Variants in SLC2A1 observed in about 807,000 individuals in gnomAD.
SLC2A1 encodes the protein solute carrier family 2, facilitated glucose transporter member 1.
SLC2A1 carries 4 observed loss-of-function variants against 46.6 expected under a neutral mutation model. The ratio of observed to expected loss-of-function variants is 0.09; its 90% CI spans 0.04 to 0.20. The LOEUF (loss-of-function observed/expected upper bound fraction) is 0.20, where lower values mean the gene tolerates loss of function less well. Ranked by LOEUF, SLC2A1 falls within the 10% of genes least tolerant of loss-of-function variation. SLC2A1 has a pLI of 1.00. For synonymous variants in SLC2A1, 253 were observed against 270.0 expected (o/e 0.94, Z 0.62); for missense variants, 352 against 667.0 (o/e 0.53, Z 5.20).
At position 42,930,834 on chromosome 1, in the gene SLC2A1, G is replaced by T. The variant is rs1175342430; in HGVS notation, c.308C>A (p.Ala103Asp). The T allele has an allele frequency of 1.2e-6, 2 of 1,600,678 alleles. No homozygotes were observed. The highest frequency in any genetic ancestry group is 1.7e-6 in the Non-Finnish European group (2 of 1,179,950). ...RNSMLMMNLL[A>D]FVSAVLMGFS... ...GCCCATGAGCACGGCGGACACGAAGGCCAGCAGGTTCATCATCAGCATTGA... is the reference window on the plus strand; with the variant it reads ...GCCCATGAGCACGGCGGACACGAAGTCCAGCAGGTTCATCATCAGCATTGA... Residue 103 changes from alanine (A) to aspartate (D), a missense_variant, in exon 4 of 10, where the codon GCC (alanine) becomes GAC (aspartate). This residue lies in a region of SLC2A1 where 97 missense variants were observed against 175.6 expected (regional missense o/e 0.55). Transcript: ENST00000426263. This position sits in a 1 kb window ranked among gnomAD's most constrained non-coding sequence, Gnocchi z 6.2.
intron 1 of SLC2A1, among the ~76,000 whole-genome samples, chr1:42,950,322 G>C (rs1643706165): frequency 1.3e-5 from 2 of 152,196 alleles, no homozygotes; most frequent in African/African-American, 4.8e-5. Context: ...GCTCTATCTG[G>C]CCCTTTAGAA....
At chr1:42,932,853 A>C (rs1376419057) in intron 2 of SLC2A1, among the ~76,000 whole-genome samples, 1 of 152,162 alleles carries the variant, frequency 6.6e-6, no homozygotes, top group Non-Finnish European at 1.5e-5. Flanking sequence ...ACCTGTCCCA[A>C]GTCAGCAGGC....
In SLC2A1 at chr1:42,929,113, G is replaced by T; in HGVS notation, c.973-80C>A. On this transcript the variant is annotated intron_variant, in intron 7 of 9. Coordinates refer to ENST00000426263, the MANE Select transcript of SLC2A1 (RefSeq NM_006516.4). This position sits in a 1 kb window ranked among gnomAD's most constrained non-coding sequence, Gnocchi z 6.0. ...CCCACCCAGAGGCCTTGCCTCAAGA[G>T]CTGAGAAAGTCACAGGGCACTGCAA... 1 of 1,563,574 alleles carries T rather than the reference G, an allele frequency of 6.4e-7. No homozygotes were observed. Among genetic ancestry groups the T allele is most frequent in the Non-Finnish European group, 8.8e-7 (1 of 1,134,858 alleles).
At chr1:42,958,187 C>T (rs1385830735) in intron 1 of SLC2A1, among the ~76,000 whole-genome samples, 1 of 151,792 alleles carries the variant, frequency 6.6e-6, no homozygotes, top group Non-Finnish European at 1.5e-5. Flanking sequence ...CTCCGCGCGC[C>T]GGGGCCGGGG....
In SLC2A1 at chr1:42,925,805, C is replaced by T. The variant is rs1374220179; in HGVS notation, c.*1236G>A. 1 of 152,174 alleles carries T rather than the reference C, an allele frequency of 6.6e-6. No individual in the cohort carries two copies. The highest frequency in any genetic ancestry group is 2.4e-5 in the African/African-American group (1 of 41,440). The allele number at this position is 152,174 out of a possible 1,614,324, so 9.4% of individuals were successfully genotyped here. A position where few individuals can be genotyped will look rare whatever the true frequency, so the allele number is the denominator to read the frequency against. Reference sequence around the variant, plus strand: ...AGCTTATTCACTGTGCGACTTCAGGCACATAACCTCTTTGAGCCTGTCCAA... The same window carrying T: ...AGCTTATTCACTGTGCGACTTCAGGTACATAACCTCTTTGAGCCTGTCCAA... On this transcript the variant is annotated 3_prime_UTR_variant, in exon 10 of 10. Transcript: ENST00000426263.
intron 1 of SLC2A1, among the ~76,000 whole-genome samples, chr1:42,947,075 C>T (rs985940134): frequency 6.6e-6 from 1 of 152,352 alleles, no homozygotes; most frequent in Middle Eastern, 3.4e-3. Context: ...GCAAGCTACC[C>T]TCGATCGGGC....
rs533544273 is a variant in SLC2A1 at position 42,930,293 on chromosome 1, T to C, written c.517-258A>G. The C allele has an allele frequency of 3.2e-6, 2 of 623,476 alleles. No homozygotes were observed. The highest frequency in any genetic ancestry group is 2.9e-6 in the Non-Finnish European group (1 of 348,624). The allele number at this position is 623,476 out of a possible 1,614,324, so 38.6% of individuals were successfully genotyped here. On this transcript the variant is annotated intron_variant, in intron 4 of 9. Transcript: ENST00000426263. The surrounding 1 kb of genome is among the most constrained non-coding windows in gnomAD (Gnocchi z 6.2). ...GTCCAGCACAGAGAATGGGGGCTGC[T>C]ACTCTGCCACAAGAGGGTTTTGGGG...
In SLC2A1 at chr1:42,930,380, G is replaced by C. The variant is rs1048638392; in HGVS notation, c.516+246C>G. On this transcript the variant is annotated intron_variant, in intron 4 of 9. Transcript: ENST00000426263. This position sits in a 1 kb window ranked among gnomAD's most constrained non-coding sequence, Gnocchi z 6.2. ...TGCATAACAGCCTGCGGCATGTTGG[G>C]GGAAGGCGGGCCCTGTGGTTGGAAG... 2.9e-6 allele frequency: 2 copies of C among 691,490 alleles called. No homozygotes were observed. Among genetic ancestry groups the C allele is most frequent in the East Asian group, 5.5e-5 (2 of 36,616 alleles). 42.8% of individuals were successfully genotyped at this position (691,490 alleles called of 1,614,324 possible). A position where few individuals can be genotyped will look rare whatever the true frequency, so the allele number is the denominator to read the frequency against.
Position 42,930,314 on chromosome 1 carries a change from T to C in SLC2A1, c.517-279A>G. ...CTGCTACTCTGCCACAAGAGGGTTT[T>C]GGGGACAGGGAAGGGGAAGCCTCCT... On this transcript the variant is annotated intron_variant, in intron 4 of 9. Coordinates refer to ENST00000426263, the MANE Select transcript of SLC2A1 (RefSeq NM_006516.4). This position sits in a 1 kb window ranked among gnomAD's most constrained non-coding sequence, Gnocchi z 6.2. 1.6e-6 allele frequency: 1 copy of C among 625,366 alleles called. No individual in the cohort carries two copies. Among genetic ancestry groups the C allele is most frequent in the Admixed American group, 2.8e-5 (1 of 35,992 alleles). 38.7% of individuals were successfully genotyped at this position (625,366 alleles called of 1,614,324 possible). A position where few individuals can be genotyped will look rare whatever the true frequency, so the allele number is the denominator to read the frequency against.
intron 1 of SLC2A1, among the ~76,000 whole-genome samples, chr1:42,949,673 TAGCAGC>T (rs200497059): frequency 1.3e-5 from 2 of 152,242 alleles, no homozygotes; most frequent in East Asian, 1.9e-4. Context: ...CTGGTGCATT[TAGCAGC>T]AGCAGCAGCA....
In SLC2A1 at chr1:42,930,038, G is replaced by T. The variant is rs1182879938; in HGVS notation, c.517-3C>A. 1 of 1,613,816 alleles carries T rather than the reference G, an allele frequency of 6.2e-7. No individual in the cohort carries two copies. On this transcript the variant is annotated splice_polypyrimidine_tract_variant and splice_region_variant and intron_variant, in intron 4 of 9. Transcript: ENST00000426263. This position sits in a 1 kb window ranked among gnomAD's most constrained non-coding sequence, Gnocchi z 6.2. ...ATGATGGAGTCCAGGCCGAACACCT[G>T]GGGGAAGCAGGGGCCGTGAGCGCCT...
intron 1 of SLC2A1, among the ~76,000 whole-genome samples, chr1:42,953,268 C>T (rs1216931949): frequency 6.6e-6 from 1 of 152,274 alleles, no homozygotes; most frequent in Admixed American, 6.5e-5. Context: ...TGTCTTCTTT[C>T]TGCCCAGGTT....
intron 1 of SLC2A1, among the ~76,000 whole-genome samples, chr1:42,956,422 A>C (rs896740597): frequency 5.0e-5 from 7 of 140,406 alleles, no homozygotes; most frequent in Non-Finnish European, 7.6e-5. Flanking sequence ...AAAAAAAAAA[A>C]AAAAAAAAAA....
chr1:42,945,624 T>C (rs1324257832), intron 1 of SLC2A1, among the ~76,000 whole-genome samples: 3 of 151,680 alleles, frequency 2.0e-5, no homozygotes, highest in Non-Finnish European at 4.4e-5. Context: ...GGTGCGTGCC[T>C]GTAGTCCCAA....
chr1:42,932,020 C>T (rs1427178695), intron 2 of SLC2A1, among the ~76,000 whole-genome samples: 1 of 152,118 alleles, frequency 6.6e-6, no homozygotes, highest in Non-Finnish European at 1.5e-5. Flanking sequence ...TCCCTGACCG[C>T]ACTGAGGGCC....
At chr1:42,950,322 GC>G (rs1468034171) in intron 1 of SLC2A1, among the ~76,000 whole-genome samples, 5 of 152,196 alleles carry the variant, frequency 3.3e-5, no homozygotes, top group African/African-American at 1.2e-4. Flanking sequence ...GCTCTATCTG[GC>G]CCTTTAGAAA....
chr1:42,928,690 G>A (rs575324136), intron 8 of SLC2A1, among the ~76,000 whole-genome samples: 1 of 152,278 alleles, frequency 6.6e-6, no homozygotes, highest in East Asian at 1.9e-4. Context: ...GGAGGTGAGA[G>A]TTTGGGGTCT....
Position 42,930,439 on chromosome 1 carries a change from A to G in SLC2A1, c.516+187T>C, listed in dbSNP as rs1281454322. 1.2e-6 allele frequency: 1 copy of G among 816,882 alleles called. No homozygotes were observed. Among genetic ancestry groups the G allele is most frequent in the Non-Finnish European group, 2.1e-6 (1 of 478,064 alleles). 50.6% of individuals were successfully genotyped at this position (816,882 alleles called of 1,614,324 possible). On this transcript the variant is annotated intron_variant, in intron 4 of 9. Transcript: ENST00000426263. The surrounding 1 kb of genome is among the most constrained non-coding windows in gnomAD (Gnocchi z 6.2). ...GAGAAGAAAGGGACTGAGAAGAGTCAAGTCATCTTGCTGTCAACTGGGAGG... is the reference window on the plus strand; with the variant it reads ...GAGAAGAAAGGGACTGAGAAGAGTCGAGTCATCTTGCTGTCAACTGGGAGG...
chr1:42,950,698 C>A (rs1292269069), intron 1 of SLC2A1, among the ~76,000 whole-genome samples: 2 of 152,216 alleles, frequency 1.3e-5, no homozygotes, highest in African/African-American at 2.4e-5. Context: ...CCTGGCTGGG[C>A]ATGGTGGCTC....
Sources: gnomAD v4.1 joint callset for allele counts (sites outside exome capture counted in the v4.1 genomes callset) on GRCh38, gnomAD v4.1.1 for gene constraint, gnomAD v4.1.1 regional missense constraint, Gnocchi (gnomAD v3.1) non-coding constraint, MANE v1.5 for transcripts, NCBI Gene and HGNC (gene_info 2026-07-23, HGNC 2026-07-21) for gene names.